The following TAP2 variants were observed in gnomAD, a reference collection of about 807,000 sequenced individuals.
The protein encoded by TAP2 is transporter 2, ATP binding cassette subfamily B member.
Under a neutral mutation model 74.7 loss-of-function variants are expected in TAP2, and 49 were observed. That is an observed-to-expected ratio of 0.66 (90% confidence interval 0.52 to 0.83). TAP2 has a LOEUF of 0.83. TAP2 is among the 40% of genes least tolerant of loss of function. TAP2 has a pLI of 0.00. For missense variants in TAP2, 739 were observed against 859.0 expected (o/e 0.86, Z 1.75); for synonymous variants, 306 against 368.4 (o/e 0.83, Z 1.94).
intron 3 of TAP2, among the ~76,000 whole-genome samples, chr6:32,837,194 G>A (rs910899212): frequency 6.6e-6 from 1 of 152,132 alleles, no homozygotes; most frequent in African/African-American, 2.4e-5. Flanking sequence ...GACAGACTTA[G>A]GGGTAGGAGG....
chr6:32,835,875 G>C lies in TAP2; in HGVS notation c.609-102C>G. The C allele has an allele frequency of 1.3e-6, 2 of 1,510,126 alleles. No homozygotes were observed. Among genetic ancestry groups the C allele is most frequent in the South Asian group, 1.1e-5 (1 of 88,500 alleles). 93.5% of individuals were successfully genotyped at this position (1,510,126 alleles called of 1,614,324 possible). On this transcript the variant is annotated intron_variant, in intron 3 of 11. Transcript: ENST00000374897. The surrounding 1 kb of genome is among the most constrained non-coding windows in gnomAD (Gnocchi z 4.0). ...AGGAGTGCAGAGAAGCGCAAAGTCAGGGGAAAGCATGCCAGGAGGGGCAAA... is the reference window on the plus strand; with the variant it reads ...AGGAGTGCAGAGAAGCGCAAAGTCACGGGAAAGCATGCCAGGAGGGGCAAA...
rs1768686879 is a variant in TAP2 at position 32,826,898 on chromosome 6, ATT to A, written c.*2006_*2007del. Reference sequence around the variant, plus strand: ...CATGTAGTTGGGAGATACAGGAATTATTATTCCTGTTTTATGAATAAAGGACA... The same window carrying A: ...CATGTAGTTGGGAGATACAGGAATTAATTCCTGTTTTATGAATAAAGGACA... On this transcript the variant is annotated 3_prime_UTR_variant, in exon 12 of 12. Transcript: ENST00000374897. 1.0e-6 allele frequency: 1 copy of A among 985,276 alleles called. No homozygotes were observed. Among genetic ancestry groups the A allele is most frequent in the Admixed American group, 6.1e-5 (1 of 16,288 alleles). The allele number at this position is 985,276 out of a possible 1,614,324, so 61.0% of individuals were successfully genotyped here.
At position 32,826,848 on chromosome 6, in the gene TAP2, C is replaced by A; in HGVS notation, c.*2058G>T. 1.0e-6 allele frequency: 1 copy of A among 985,414 alleles called. No individual in the cohort carries two copies. The highest frequency in any genetic ancestry group is 1.2e-6 in the Non-Finnish European group (1 of 829,930). The allele number at this position is 985,414 out of a possible 1,614,324, so 61.0% of individuals were successfully genotyped here. ...GAAATCAAAGAATTTCTCAGATCAT[C>A]TTCTTCTGTGAGGGCTGCAGCTTCC... On this transcript the variant is annotated 3_prime_UTR_variant, in exon 12 of 12. Transcript: ENST00000374897.
rs241442 is a variant in TAP2, at chr6:32,829,391, G to T, written c.1932+9C>A. 6.3e-7 allele frequency: 1 copy of T among 1,587,028 alleles called. No individual in the cohort carries two copies. Among genetic ancestry groups the T allele is most frequent in the East Asian group, 2.3e-5 (1 of 43,880 alleles). The stretch of plus-strand genomic sequence containing the variant: ...GCCCCACTGTCCCCTGCCCTCTCAC[G>T]GTACTCACGGCCTGCTCGCACTGCA... On this transcript the variant is annotated intron_variant, in intron 11 of 11. Transcript: ENST00000374897.
In TAP2 at chr6:32,827,702, C is replaced by T. The variant is rs928381664; in HGVS notation, c.*1204G>A. On this transcript the variant is annotated 3_prime_UTR_variant, in exon 12 of 12. Coordinates refer to ENST00000374897, the MANE Select transcript of TAP2 (RefSeq NM_001290043.2). Reference sequence around the variant, plus strand: ...AAGTTTGTCGTGGAGCTGGATACAACAGGAGAGGGTGAGACAGATGGGCTG... The same window carrying T: ...AAGTTTGTCGTGGAGCTGGATACAATAGGAGAGGGTGAGACAGATGGGCTG... 11 of 953,948 alleles carry T rather than the reference C, an allele frequency of 1.2e-5. No homozygotes were observed. In the African/African-American group the frequency reaches 1.8e-4, roughly 15 times the overall value. 59.1% of individuals were successfully genotyped at this position (953,948 alleles called of 1,614,324 possible). A position where few individuals can be genotyped will look rare whatever the true frequency, so the allele number is the denominator to read the frequency against.
downstream of TAP2, chr6:32,822,437 C>T (rs1021859505): frequency 5.8e-6 from 4 of 686,310 alleles, no homozygotes; most frequent in Admixed American, 1.2e-4. Context: ...GTAAATTCAT[C>T]TACAATTTTT....
chr6:32,827,303 G>C lies in TAP2; in HGVS notation c.*1603C>G. On this transcript the variant is annotated 3_prime_UTR_variant, in exon 12 of 12. Transcript: ENST00000374897. ...GGTGGGAGTGGGCAGGGAGGATTAA[G>C]ATTAGTACGATGGTGGAGATATTTA... 2 of 985,428 alleles carry C rather than the reference G, an allele frequency of 2.0e-6. No individual in the cohort carries two copies. Among genetic ancestry groups the C allele is most frequent in the Non-Finnish European group, 2.4e-6 (2 of 829,936 alleles). 61.0% of individuals were successfully genotyped at this position (985,428 alleles called of 1,614,324 possible). A position where few individuals can be genotyped will look rare whatever the true frequency, so the allele number is the denominator to read the frequency against.
rs780914189 is a variant in TAP2 at position 32,830,735 on chromosome 6, G to T, written c.1344C>A (p.Asp448Glu). The part of the protein sequence containing the change: ...GAAEKVFSYM[D>E]RQPNLPSPGT... ...CAGGTGAAGGCAGATTTGGCTGTCG[G>T]TCCATGTAGGAGAAAACCTTCTCTG... Residue 448 changes from aspartate to glutamate, a missense_variant, in exon 8 of 12, where the codon GAC (aspartate) becomes GAA (glutamate). Transcript: ENST00000374897. The T allele has an allele frequency of 6.2e-7, 1 of 1,612,998 alleles. No homozygotes were observed. Among genetic ancestry groups the T allele is most frequent in the Non-Finnish European group, 8.5e-7 (1 of 1,180,004 alleles).
chr6:32,829,855 G>A (rs1247862285), intron 10 of TAP2, 75 bp downstream of exon 10: 19 of 1,587,544 alleles, frequency 1.2e-5, no homozygotes, highest in African/African-American at 2.7e-5. Flanking sequence ...ACAGGGACAC[G>A]ACCTTCACCA....
In TAP2 at chr6:32,837,826, G is replaced by C; in HGVS notation, c.408C>G (p.Val136=). The change falls in exon 2 of 12, where the codon GTC becomes GTG. Residue 136 remains valine (V), a synonymous_variant. Coordinates refer to ENST00000374897, the MANE Select transcript of TAP2 (RefSeq NM_001290043.2). ...EKEQDQVNNK[V]LMWRLLKLSR... ...AGAGCTTCAGCAGCCTCCACATCAA[G>C]ACTTTGTTGTTCACCTGGTCCTGCT... 6.2e-7 allele frequency: 1 copy of C among 1,613,980 alleles called. No homozygotes were observed. Among genetic ancestry groups the C allele is most frequent in the Non-Finnish European group, 8.5e-7 (1 of 1,180,016 alleles).
rs1397772583 is a variant in TAP2, at chr6:32,828,847, C to A, written c.*59G>T. On this transcript the variant is annotated 3_prime_UTR_variant, in exon 12 of 12. Coordinates refer to ENST00000374897, the MANE Select transcript of TAP2 (RefSeq NM_001290043.2). Reference sequence around the variant, plus strand: ...CCCCTGAGAAGAGGGCCCAGTATCCCTGGGGCCTCAGTCCATCAGCCGCTG... The same window carrying A: ...CCCCTGAGAAGAGGGCCCAGTATCCATGGGGCCTCAGTCCATCAGCCGCTG... 6.6e-7 allele frequency: 1 copy of A among 1,514,656 alleles called. No individual in the cohort carries two copies. The highest frequency in any genetic ancestry group is 2.5e-5 in the East Asian group (1 of 40,046). 93.8% of individuals were successfully genotyped at this position (1,514,656 alleles called of 1,614,324 possible).
downstream of TAP2, among the ~76,000 whole-genome samples, chr6:32,825,224 T>C (rs1330768050): frequency 6.6e-6 from 1 of 151,638 alleles, no homozygotes; most frequent in Non-Finnish European, 1.5e-5. Context: ...TTTTGCAATA[T>C]CTATCAATAT....
At position 32,832,580 on chromosome 6, in the gene TAP2, C is replaced by T. The variant is rs376777036; in HGVS notation, c.1143+47G>A. ...CCAGCTGTAGTTTCCTCTTCCCTTG[C>T]CCTCCCCCTTTCCTGGGCTCCTTTC... is the stretch of plus-strand genomic sequence containing the variant. On this transcript the variant is annotated intron_variant, in intron 6 of 11. Coordinates refer to ENST00000374897, the MANE Select transcript of TAP2 (RefSeq NM_001290043.2). This position sits in a 1 kb window ranked among gnomAD's most constrained non-coding sequence, Gnocchi z 5.9. 6.2e-7 allele frequency: 1 copy of T among 1,612,914 alleles called. No homozygotes were observed. Among genetic ancestry groups the T allele is most frequent in the Non-Finnish European group, 8.5e-7 (1 of 1,179,900 alleles).
Position 32,835,069 on chromosome 6 carries a change from A to T in TAP2, c.945+85T>A. ...GGCTGAGAAGAGAACATCTCTCTCT[A>T]GGGGATCCTCTAGCCACAAATGTGG... On this transcript the variant is annotated intron_variant, in intron 5 of 11. Coordinates refer to ENST00000374897, the MANE Select transcript of TAP2 (RefSeq NM_001290043.2). The surrounding 1 kb of genome is among the most constrained non-coding windows in gnomAD (Gnocchi z 4.0). 2.9e-6 allele frequency: 4 copies of T among 1,388,404 alleles called. No homozygotes were observed. The highest frequency in any genetic ancestry group is 4.1e-6 in the Non-Finnish European group (4 of 986,854). 86.0% of individuals were successfully genotyped at this position (1,388,404 alleles called of 1,614,324 possible).
chr6:32,838,246 G>A lies in TAP2; in HGVS notation c.-4-9C>T, dbSNP rs1449032299. ...CAGGGAGCCGCATGGCTCTGTCAAC[G>A]GATACGAGATGAGAAATCATGGGGG... On this transcript the variant is annotated splice_polypyrimidine_tract_variant and intron_variant, in intron 1 of 11. Transcript: ENST00000374897. The A allele has an allele frequency of 1.9e-6, 3 of 1,545,682 alleles. No individual in the cohort carries two copies. The highest frequency in any genetic ancestry group is 1.7e-6 in the Non-Finnish European group (2 of 1,151,334).
downstream of TAP2, chr6:32,822,205 C>T (rs1768325466): frequency 1.7e-6 from 2 of 1,163,652 alleles, no homozygotes; most frequent in Non-Finnish European, 2.5e-6. Context: ...ATCACCTCAT[C>T]CTGAAAAAAT....
intron 5 of TAP2, among the ~76,000 whole-genome samples, chr6:32,833,362 A>C (rs1274402676): frequency 6.6e-6 from 1 of 152,250 alleles, no homozygotes. Flanking sequence ...GTGAAAAAGC[A>C]ACCATGAAAT....
At position 32,835,858 on chromosome 6, in the gene TAP2, A is replaced by G; in HGVS notation, c.609-85T>C. 1 of 1,585,102 alleles carries G rather than the reference A, an allele frequency of 6.3e-7. No individual in the cohort carries two copies. The highest frequency in any genetic ancestry group is 2.2e-5 in the East Asian group (1 of 44,558). ...AAACAGAGGAGCAAGCCAGGAGTGC[A>G]GAGAAGCGCAAAGTCAGGGGAAAGC... On this transcript the variant is annotated intron_variant, in intron 3 of 11. Transcript: ENST00000374897. The surrounding 1 kb of genome is among the most constrained non-coding windows in gnomAD (Gnocchi z 4.0).
intron 8 of TAP2, 76 bp downstream of exon 8, chr6:32,830,542 A>G (rs1219140496): frequency 6.2e-7 from 1 of 1,603,786 alleles, no homozygotes; most frequent in East Asian, 2.3e-5. Flanking sequence ...GAGGCAAATG[A>G]ACTATAGGCT....
Sources: gnomAD v4.1 joint callset for allele counts (sites outside exome capture counted in the v4.1 genomes callset) on GRCh38, gnomAD v4.1.1 for gene constraint, Gnocchi (gnomAD v3.1) non-coding constraint, MANE v1.5 for transcripts, NCBI Gene and HGNC (gene_info 2026-07-23, HGNC 2026-07-21) for gene names.